The following PPFIA2 variants were observed in gnomAD, a reference collection of about 807,000 sequenced individuals.
PPFIA2 encodes PPFI scaffold protein A2.
Under a neutral mutation model 175.5 loss-of-function variants are expected in PPFIA2, and 46 were observed. The ratio of observed to expected loss-of-function variants is 0.26; its 90% CI spans 0.21 to 0.34. The LOEUF (loss-of-function observed/expected upper bound fraction) is 0.34. Ranked by LOEUF, PPFIA2 falls within the 10% of genes least tolerant of loss-of-function variation. The pLI is 1.00. For missense variants in PPFIA2, 1,179 were observed against 1,506.1 expected (o/e 0.78, Z 3.60); for synonymous variants, 568 against 511.4 (o/e 1.11, Z -1.49).
At chr12:81,644,990 G>C (rs2065863479) in intron 4 of PPFIA2, among the ~76,000 whole-genome samples, 1 of 151,550 alleles carries the variant, frequency 6.6e-6, no homozygotes, top group African/African-American at 2.4e-5. Flanking sequence ...GGGAGGAATA[G>C]TAAAAATAAA....
At chr12:81,276,156 A>C (rs544321711) in intron 28 of PPFIA2, among the ~76,000 whole-genome samples, 3 of 152,310 alleles carry the variant, frequency 2.0e-5, no homozygotes, top group East Asian at 3.9e-4. Context: ...ATCTTAAGTG[A>C]AACAATTCAG....
intron 4 of PPFIA2, among the ~76,000 whole-genome samples, chr12:81,548,960 G>A (rs2067434496): frequency 6.6e-6 from 1 of 152,090 alleles, no homozygotes; most frequent in Admixed American, 6.6e-5. Context: ...GACAATATTT[G>A]TGTTATTTCA....
chr12:81,598,005 A>G (rs1256605704), intron 4 of PPFIA2: 2 of 1,535,154 alleles, frequency 1.3e-6, no homozygotes, highest in East Asian at 4.9e-5. Flanking sequence ...GGGGAGCCAG[A>G]AACGGTGTTC....
At chr12:81,605,632 T>TATCC (rs921417539) in intron 4 of PPFIA2, among the ~76,000 whole-genome samples, 1 of 148,858 alleles carries the variant, frequency 6.7e-6, no homozygotes, top group East Asian at 2.0e-4. Context: ...CCTGTCTGTC[T>TATCC]ATCCATCCAT....
chr12:81,569,255 T>C (rs1309778200), intron 4 of PPFIA2, among the ~76,000 whole-genome samples: 1 of 152,160 alleles, frequency 6.6e-6, no homozygotes, highest in Non-Finnish European at 1.5e-5. Flanking sequence ...TACCTAGCAT[T>C]AGATTTCTTA....
At chr12:81,610,173 C>A (rs1479745190) in intron 4 of PPFIA2, among the ~76,000 whole-genome samples, 1 of 152,026 alleles carries the variant, frequency 6.6e-6, no homozygotes, top group Non-Finnish European at 1.5e-5. Flanking sequence ...CCTGACTTGA[C>A]CTTTATCTCT....
chr12:81,593,591 T>C (rs985194687), intron 4 of PPFIA2, among the ~76,000 whole-genome samples: 1 of 152,194 alleles, frequency 6.6e-6, no homozygotes, highest in Non-Finnish European at 1.5e-5. Context: ...TAACGAAGCA[T>C]AAAATTTGTT....
intron 7 of PPFIA2, among the ~76,000 whole-genome samples, chr12:81,408,121 TAA>T: frequency 1.3e-5 from 2 of 151,944 alleles, no homozygotes; most frequent in Admixed American, 1.3e-4. Flanking sequence ...ATTTGGAGTG[TAA>T]AAAAAACTTC....
In PPFIA2 at chr12:81,510,463, TATC is replaced by T. The variant is rs1266525664; in HGVS notation, c.304-52600_304-52598del. 5.9e-5 allele frequency among the ~76,000 whole-genome samples: 9 copies of T among 152,200 alleles called. No individual in the cohort carries two copies. The East Asian group carries it at 1.7e-3, about 29-fold the overall frequency. On this transcript the variant is annotated intron_variant, in intron 4 of 32. Transcript: ENST00000549396. ...TAAATTTTAAAACAGGTATATACAA[TATC>T]ATATCTAGAATGTATTAATTACTTA...
At chr12:81,496,598 C>A (rs2060049985) in intron 4 of PPFIA2, among the ~76,000 whole-genome samples, 1 of 152,068 alleles carries the variant, frequency 6.6e-6, no homozygotes, top group Non-Finnish European at 1.5e-5. Context: ...GCAAAACAAT[C>A]ATAAATCCAC....
Position 81,352,731 on chromosome 12 carries a change from TATGTA to T in PPFIA2, c.1994+383_1994+387del, listed in dbSNP as rs558424461. 1.3e-3 allele frequency among the ~76,000 whole-genome samples: 199 copies of T among 152,304 alleles called. 3 individuals are homozygous for T. In the South Asian group the frequency reaches 0.037, roughly 29 times the overall value. On this transcript the variant is annotated intron_variant, in intron 17 of 32. Coordinates refer to ENST00000549396, the MANE Select transcript of PPFIA2 (RefSeq NM_003625.5). Reference sequence around the variant, plus strand: ...ATACTATTTGGTACCTTTATTGCAGTATGTAATGTATCTGAAGAATGTACGTGATT... The same window carrying T: ...ATACTATTTGGTACCTTTATTGCAGTATGTATCTGAAGAATGTACGTGATT...
intron 3 of PPFIA2, among the ~76,000 whole-genome samples, chr12:81,708,678 T>C (rs1400324456): frequency 6.6e-6 from 1 of 152,150 alleles, no homozygotes; most frequent in Non-Finnish European, 1.5e-5. Flanking sequence ...TTCAAATGAT[T>C]AGGAATAACA....
At chr12:81,688,355 G>A (rs1272091296) in intron 3 of PPFIA2, among the ~76,000 whole-genome samples, 1 of 151,724 alleles carries the variant, frequency 6.6e-6, no homozygotes, top group Non-Finnish European at 1.5e-5. Context: ...ATTTAAATGA[G>A]AATATCAATA....
intron 24 of PPFIA2, among the ~76,000 whole-genome samples, chr12:81,286,604 C>T (rs760605410): frequency 1.3e-5 from 2 of 151,934 alleles, no homozygotes; most frequent in Non-Finnish European, 2.9e-5. Flanking sequence ...TGTAAGTATG[C>T]TCTATGGTAC....
intron 4 of PPFIA2, among the ~76,000 whole-genome samples, chr12:81,475,114 A>G (rs1479883133): frequency 6.6e-6 from 1 of 152,214 alleles, no homozygotes; most frequent in African/African-American, 2.4e-5. Flanking sequence ...ACAGAACACT[A>G]GAAGCTTTAA....
intron 22 of PPFIA2, among the ~76,000 whole-genome samples, chr12:81,306,546 T>G (rs1375375367): frequency 7.1e-6 from 1 of 140,064 alleles, no homozygotes; most frequent in Non-Finnish European, 1.5e-5. Context: ...TCGTTGTTTT[T>G]TTTTTTTTTT....
intron 16 of PPFIA2, among the ~76,000 whole-genome samples, chr12:81,353,874 A>G (rs1243508439): frequency 2.0e-5 from 3 of 152,232 alleles, no homozygotes; most frequent in Non-Finnish European, 2.9e-5. Flanking sequence ...TTTCAGGGTT[A>G]GTTCCAGCCC....
chr12:81,655,677 T>C (rs1220155582), intron 4 of PPFIA2, among the ~76,000 whole-genome samples: 3 of 152,030 alleles, frequency 2.0e-5, no homozygotes, highest in Non-Finnish European at 4.4e-5. Context: ...ATGTATTCTA[T>C]ATGATTTCAA....
intron 19 of PPFIA2, among the ~76,000 whole-genome samples, chr12:81,341,941 A>T (rs1334599265): frequency 2.0e-5 from 3 of 152,104 alleles, no homozygotes; most frequent in Non-Finnish European, 2.9e-5. Flanking sequence ...AGCCTAATGA[A>T]ATTTATTACA....
Sources: gnomAD v4.1 joint callset for allele counts (sites outside exome capture counted in the v4.1 genomes callset) on GRCh38, gnomAD v4.1.1 for gene constraint, MANE v1.5 for transcripts, NCBI Gene and HGNC (gene_info 2026-07-23, HGNC 2026-07-21) for gene names.